The following QTGAL variants were observed in gnomAD, a reference collection of about 807,000 sequenced individuals.
The protein encoded by QTGAL is queuosine-tRNA galactosyltransferase.
chr17:82,984,291 CGGGGGAGAGGCCATGTGAGGATGT>C, the QTGAL span, among the ~76,000 whole-genome samples: 1 of 51,666 alleles, frequency 1.9e-5, no homozygotes, highest in Admixed American at 1.7e-4. Context: ...CGTGAGCACA[CGGGGGAGAGGCCATGTGAGGATGT>C]GGGGGAGAGG....
the QTGAL span, chr17:82,942,216 C>T: frequency 3.0e-5 from 18 of 593,256 alleles, no homozygotes; most frequent in Admixed American, 2.4e-4. Flanking sequence ...AAGAGCAGTG[C>T]AGTGAACCTC....
At chr17:83,014,372 C>T in the QTGAL span, 1 of 1,463,966 alleles carries the variant, frequency 6.8e-7, no homozygotes. Flanking sequence ...TTCTTTCCAC[C>T]CCTAGGAAAA....
the QTGAL span, chr17:83,030,808 C>T: frequency 6.6e-5 from 10 of 152,256 alleles, no homozygotes; most frequent in African/African-American, 2.4e-4. Context: ...GGCCATGTGG[C>T]TTCCTGTGCA....
chr17:83,013,873 C>T, the QTGAL span, among the ~76,000 whole-genome samples: 2 of 152,222 alleles, frequency 1.3e-5, no homozygotes, highest in South Asian at 2.1e-4. Context: ...GACACAGTCA[C>T]CTTCCCTGAA....
the QTGAL span, among the ~76,000 whole-genome samples, chr17:83,027,061 C>T: frequency 1.4e-5 from 2 of 142,216 alleles, no homozygotes; most frequent in South Asian, 2.3e-4. Context: ...CAGAGCAGGG[C>T]GGGGAGCCTG....
At chr17:82,954,167 T>G in the QTGAL span, among the ~76,000 whole-genome samples, 415 of 152,200 alleles carry the variant, frequency 2.7e-3, 2 homozygotes, top group Non-Finnish European at 4.9e-3. Context: ...GAGAAAGAAA[T>G]AAAGAGTATT....
the QTGAL span, among the ~76,000 whole-genome samples, chr17:83,042,806 A>G: frequency 1.3e-5 from 2 of 152,250 alleles, no homozygotes; most frequent in African/African-American, 4.8e-5. Flanking sequence ...TATATGAGGA[A>G]TTCACTTCAG....
At chr17:82,958,843 GTA>G in the QTGAL span, among the ~76,000 whole-genome samples, 1 of 98,146 alleles carries the variant, frequency 1.0e-5, no homozygotes, top group African/African-American at 4.1e-5. Context: ...GTGTGTGTGT[GTA>G]CACTGGGGGT....
At chr17:83,051,147 T>G in the QTGAL span, among the ~76,000 whole-genome samples, 17 of 10,064 alleles carry the variant, frequency 1.7e-3, no homozygotes, top group South Asian at 2.7e-3. Flanking sequence ...GTGTGGGGTG[T>G]GGGGCAGGTG....
the QTGAL span, chr17:82,942,481 A>G: frequency 6.2e-7 from 1 of 1,613,918 alleles, no homozygotes; most frequent in Non-Finnish European, 8.5e-7. Context: ...CCTGGAGCCC[A>G]TACCTCACCC....
the QTGAL span, chr17:83,048,619 A>G: frequency 6.2e-7 from 1 of 1,605,468 alleles, no homozygotes; most frequent in Non-Finnish European, 8.5e-7. Flanking sequence ...CGAACAGTCA[A>G]CCGTTGCTTA....
the QTGAL span, among the ~76,000 whole-genome samples, chr17:82,953,554 G>A: frequency 1.3e-5 from 2 of 152,206 alleles, no homozygotes; most frequent in African/African-American, 4.8e-5. Flanking sequence ...CTCAGGACCA[G>A]ATGGATTCAC....
At chr17:82,981,729 C>A in the QTGAL span, 9 of 152,230 alleles carry the variant, frequency 5.9e-5, no homozygotes, top group Non-Finnish European at 1.2e-4. Flanking sequence ...AAACCCTCCA[C>A]ATGTACTAAC....
At chr17:82,996,625 G>T in the QTGAL span, among the ~76,000 whole-genome samples, 1 of 151,986 alleles carries the variant, frequency 6.6e-6, no homozygotes, top group African/African-American at 2.4e-5. Context: ...CAAAATTGGA[G>T]GAATCACATT....
chr17:83,027,076 CAAACCCACCCT>C, the QTGAL span, among the ~76,000 whole-genome samples: 1 of 147,284 alleles, frequency 6.8e-6, no homozygotes, highest in Non-Finnish European at 1.5e-5. Flanking sequence ...AGCCTGCAGG[CAAACCCACCCT>C]CGACAGACAC....
the QTGAL span, among the ~76,000 whole-genome samples, chr17:82,998,013 A>G: frequency 2.7e-5 from 4 of 150,246 alleles, no homozygotes; most frequent in Non-Finnish European, 1.5e-5. Flanking sequence ...AGATATATAT[A>G]GTTACAAAGA....
the QTGAL span, among the ~76,000 whole-genome samples, chr17:82,955,915 G>A: frequency 3.3e-5 from 5 of 151,206 alleles, no homozygotes; most frequent in Admixed American, 1.3e-4. Context: ...ACCAAACACC[G>A]CATGTTCTCA....
the QTGAL span, among the ~76,000 whole-genome samples, chr17:83,049,764 C>T: frequency 4.6e-5 from 7 of 152,152 alleles, no homozygotes; most frequent in Non-Finnish European, 5.9e-5. Context: ...CACTTCGTTT[C>T]GGGCTAGTGT....
chr17:83,045,324 T>C, the QTGAL span, among the ~76,000 whole-genome samples: 1 of 152,106 alleles, frequency 6.6e-6, no homozygotes, highest in East Asian at 1.9e-4. Flanking sequence ...ACCAAGACAA[T>C]TCAGTGGAGA....
Sources: allele counts gnomAD v4.1 joint callset (sites outside exome capture counted in the v4.1 genomes callset), GRCh38; gene constraint gnomAD v4.1.1; transcripts MANE v1.5; gene names NCBI Gene and HGNC (gene_info 2026-07-23, HGNC 2026-07-21).